GNAS-AS1: variants seen among roughly 807,000 people sequenced by gnomAD.
GNAS-AS1 encodes GNAS antisense RNA 1.
At chr20:58,842,600 G>GT in intron 2 of GNAS-AS1, 1 of 398,346 alleles carries the variant, frequency 2.5e-6, no homozygotes, top group Non-Finnish European at 4.4e-6. Context: ...CGACAGCAAT[G>GT]TTAGTCTCAG....
intron 1 of GNAS-AS1, among the ~76,000 whole-genome samples, chr20:58,849,678 GCTC>G (rs1297435462): frequency 1.3e-5 from 2 of 152,104 alleles, no homozygotes; most frequent in Non-Finnish European, 2.9e-5. Context: ...CCACACTTTG[GCTC>G]CTCCATCTTT....
chr20:58,821,645 C>G (rs937832871), intron 4 of GNAS-AS1, among the ~76,000 whole-genome samples: 13 of 152,168 alleles, frequency 8.5e-5, no homozygotes, highest in African/African-American at 3.1e-4. Context: ...CCTAGCGTCC[C>G]TTGGAAGCCT....
chr20:58,830,754 A>C (rs1363967491), intron 4 of GNAS-AS1, among the ~76,000 whole-genome samples: 1 of 150,310 alleles, frequency 6.7e-6, no homozygotes, highest in Non-Finnish European at 1.5e-5. Flanking sequence ...CACCGCCACC[A>C]GGCATAGTCA....
chr20:58,834,657 A>G (rs1430622335), intron 4 of GNAS-AS1: 3 of 152,190 alleles, frequency 2.0e-5, no homozygotes, highest in African/African-American at 7.2e-5. Context: ...CAGAGTCTAG[A>G]AATTGCTCCT....
intron 4 of GNAS-AS1, among the ~76,000 whole-genome samples, chr20:58,830,458 C>A (rs1487597886): frequency 1.6e-5 from 1 of 62,862 alleles, no homozygotes; most frequent in East Asian, 5.1e-4. Flanking sequence ...ACCACCATCA[C>A]CACCACCACA....
chr20:58,822,777 A>G (rs1444310851), intron 4 of GNAS-AS1, among the ~76,000 whole-genome samples: 2 of 151,876 alleles, frequency 1.3e-5, no homozygotes, highest in African/African-American at 4.8e-5. Context: ...TGGCAGATAA[A>G]TAAGTCGCCC....
At chr20:58,838,966 G>GGC (rs1409966437) in intron 4 of GNAS-AS1, 1 of 397,866 alleles carries the variant, frequency 2.5e-6, no homozygotes, top group Non-Finnish European at 4.4e-6. Context: ...GGCTGTAAGG[G>GGC]GCCTCCAGTG....
At chr20:58,849,922 C>G (rs1199169789) in intron 1 of GNAS-AS1, among the ~76,000 whole-genome samples, 1 of 152,228 alleles carries the variant, frequency 6.6e-6, no homozygotes, top group Non-Finnish European at 1.5e-5. Context: ...TTTCAACATC[C>G]TTTCCGTTTC....
chr20:58,840,475 C>A lies in GNAS-AS1; in HGVS notation n.819+1462G>T, dbSNP rs771921968. 2.5e-6 allele frequency: 4 copies of A among 1,613,552 alleles called. No homozygotes were observed. In the Admixed American group the frequency reaches 6.7e-5, roughly 27 times the overall value. On this transcript the variant is annotated intron_variant and non_coding_transcript_variant, in intron 4 of 4. Coordinates refer to ENST00000424094, the Ensembl canonical transcript of GNAS-AS1. The surrounding 1 kb of genome is among the most constrained non-coding windows in gnomAD (Gnocchi z 6.0). ...CCGAGTCCGAAATCGAGTCCGAGAC[C>A]GACTTCGAGACCGAGCCTGAGACCG...
chr20:58,820,187 G>A (rs374134417), intron 4 of GNAS-AS1, among the ~76,000 whole-genome samples: 53 of 152,368 alleles, frequency 3.5e-4, no homozygotes, highest in African/African-American at 1.2e-3. Flanking sequence ...TGTTTCTGTC[G>A]TGGAACTGGA....
Position 58,840,076 on chromosome 20 carries a change from C to G in GNAS-AS1, n.819+1861G>C, listed in dbSNP as rs1194297472. 1 of 1,607,634 alleles carries G rather than the reference C, an allele frequency of 6.2e-7. No homozygotes were observed. The highest frequency in any genetic ancestry group is 8.5e-7 in the Non-Finnish European group (1 of 1,179,616). ...AGCCACTCTCTGCAGAGCCAGAGGGCAGGCCGGCTTCTCGGTGTGTGCCTA... is the reference window on the plus strand; with the variant it reads ...AGCCACTCTCTGCAGAGCCAGAGGGGAGGCCGGCTTCTCGGTGTGTGCCTA... On this transcript the variant is annotated intron_variant and non_coding_transcript_variant, in intron 4 of 4. Transcript: ENST00000424094. This position sits in a 1 kb window ranked among gnomAD's most constrained non-coding sequence, Gnocchi z 6.0.
In GNAS-AS1 at chr20:58,841,948, A is replaced by C; in HGVS notation, n.808T>G. On this transcript the variant is annotated non_coding_transcript_exon_variant, in exon 4 of 5. Coordinates refer to ENST00000424094, the Ensembl canonical transcript of GNAS-AS1. The surrounding 1 kb of genome is among the most constrained non-coding windows in gnomAD (Gnocchi z 5.0). ...TCAGGATAACTTACAATTCGTTTCC[A>C]AAGAGCGCGGTACGCGCAGAGCTGG... The C allele has an allele frequency of 8.6e-7, 1 of 1,168,740 alleles. No individual in the cohort carries two copies. Among genetic ancestry groups the C allele is most frequent in the African/African-American group, 1.6e-5 (1 of 63,320 alleles). The allele number at this position is 1,168,740 out of a possible 1,614,324, so 72.4% of individuals were successfully genotyped here.
At chr20:58,836,822 G>A (rs1372047296) in intron 4 of GNAS-AS1, among the ~76,000 whole-genome samples, 9 of 152,374 alleles carry the variant, frequency 5.9e-5, no homozygotes, top group East Asian at 1.9e-4. Context: ...TGTACACTGA[G>A]ATGTATTTAT....
chr20:58,838,632 T>C (rs1308743712), intron 4 of GNAS-AS1: 1 of 181,306 alleles, frequency 5.5e-6, no homozygotes, highest in Admixed American at 6.2e-5. Flanking sequence ...AAAACCTATC[T>C]AGGAGCCGGG....
Position 58,828,028 on chromosome 20 carries a change from A to G in GNAS-AS1, n.820-8773T>C, listed in dbSNP as rs575159647. Among the ~76,000 whole-genome samples the G allele has an allele frequency of 4.6e-5, 7 of 152,356 alleles. No homozygotes were observed. In the East Asian group the frequency reaches 7.7e-4, roughly 17 times the overall value. On this transcript the variant is annotated intron_variant and non_coding_transcript_variant, in intron 4 of 4. Coordinates refer to ENST00000424094, the Ensembl canonical transcript of GNAS-AS1. ...GTAGACATCTTGAAAAAGGATCTCG[A>G]GAAAAATGAACTTCCCTTTCTTGTA...
At position 58,841,761 on chromosome 20, in the gene GNAS-AS1, C is replaced by T. The variant is rs1186311653; in HGVS notation, n.819+176G>A. ...CAGGCATGGTCACGTCGGGGTATTG[C>T]CAAGCTTTTGGCGCAGCTGGTCGGG... On this transcript the variant is annotated intron_variant and non_coding_transcript_variant, in intron 4 of 4. Transcript: ENST00000424094. This position sits in a 1 kb window ranked among gnomAD's most constrained non-coding sequence, Gnocchi z 5.0. The T allele has an allele frequency of 1.7e-5, 21 of 1,229,968 alleles. No individual in the cohort carries two copies. The highest frequency in any genetic ancestry group is 2.0e-5 in the Non-Finnish European group (20 of 987,374). 76.2% of individuals were successfully genotyped at this position (1,229,968 alleles called of 1,614,324 possible). A position where few individuals can be genotyped will look rare whatever the true frequency, so the allele number is the denominator to read the frequency against.
intron 4 of GNAS-AS1, among the ~76,000 whole-genome samples, chr20:58,830,969 GC>G (rs1325389309): frequency 3.9e-5 from 6 of 152,116 alleles, no homozygotes; most frequent in Non-Finnish European, 8.8e-5. Context: ...AAACGAGGGT[GC>G]CCCCATTTCA....
At chr20:58,839,250 C>T (rs2145466645) in intron 4 of GNAS-AS1, 1 of 398,600 alleles carries the variant, frequency 2.5e-6, no homozygotes, top group Non-Finnish European at 4.4e-6. Context: ...TAATTACAGT[C>T]ACTATAACAG....
rs187021569 is a variant in GNAS-AS1 at position 58,836,084 on chromosome 20, G to A, written n.819+5853C>T. Among the ~76,000 whole-genome samples the A allele has an allele frequency of 4.0e-3, 607 of 152,156 alleles. 5 individuals are homozygous for A. The highest frequency in any genetic ancestry group is 6.8e-3 in the Middle Eastern group (2 of 294). On this transcript the variant is annotated intron_variant and non_coding_transcript_variant, in intron 4 of 4. Transcript: ENST00000424094. The stretch of plus-strand genomic sequence containing the variant: ...AAAAGTGGGGGCGGGGGGGAGGATC[G>A]TGTCCATCAGTAGAGCCCCCAAACC...
Sources: gnomAD v4.1 joint callset for allele counts (sites outside exome capture counted in the v4.1 genomes callset) on GRCh38, gnomAD v4.1.1 for gene constraint, Gnocchi (gnomAD v3.1) non-coding constraint, MANE v1.5 for transcripts, NCBI Gene and HGNC (gene_info 2026-07-23, HGNC 2026-07-21) for gene names.